Variants in LTBP1 observed in about 807,000 individuals in gnomAD.
The protein encoded by LTBP1 is latent transforming growth factor beta binding protein 1, also known as latent-transforming growth factor beta-binding protein 1.
A neutral mutation model predicts 207.6 loss-of-function variants in LTBP1; 129 were observed. The ratio of observed to expected loss-of-function variants is 0.62; its 90% CI spans 0.54 to 0.72. The LOEUF is 0.72. Among genes scored for constraint, LTBP1 ranks in the 30% least tolerant of loss-of-function variants. LTBP1 has a pLI of 0.00. For missense variants in LTBP1, 2,281 were observed against 2,217.2 expected (o/e 1.03, Z -0.58); for synonymous variants, 963 against 833.7 (o/e 1.16, Z -2.67).
intron 7 of LTBP1, among the ~76,000 whole-genome samples, chr2:33,191,736 C>T (rs781131312): frequency 1.3e-5 from 2 of 152,112 alleles, no homozygotes; most frequent in Non-Finnish European, 2.9e-5. Flanking sequence ...AAAAACAAAA[C>T]CCTGGATAAA....
intron 2 of LTBP1, among the ~76,000 whole-genome samples, chr2:32,972,579 G>A (rs1293935273): frequency 6.6e-6 from 1 of 152,064 alleles, no homozygotes; most frequent in East Asian, 1.9e-4. Context: ...GTTGTATGGT[G>A]ATATGGTTTA....
intron 10 of LTBP1, among the ~76,000 whole-genome samples, chr2:33,246,179 G>C (rs1206858068): frequency 6.6e-6 from 1 of 152,208 alleles, no homozygotes; most frequent in South Asian, 2.1e-4. Flanking sequence ...AGAGTTCGAA[G>C]TGAAAACCTG....
chr2:33,069,300 A>G (rs1018488238), intron 3 of LTBP1, among the ~76,000 whole-genome samples: 11 of 152,008 alleles, frequency 7.2e-5, no homozygotes, highest in Non-Finnish European at 1.5e-4. Flanking sequence ...CACTCCATTC[A>G]TACCCACACC....
chr2:33,064,931 T>C (rs1347299260), intron 3 of LTBP1, among the ~76,000 whole-genome samples: 1 of 152,226 alleles, frequency 6.6e-6, no homozygotes, highest in East Asian at 1.9e-4. Flanking sequence ...GGACTGCTAG[T>C]GTAATGTAGA....
intron 2 of LTBP1, among the ~76,000 whole-genome samples, chr2:32,971,650 A>G (rs542921952): frequency 1.3e-5 from 2 of 152,218 alleles, no homozygotes; most frequent in Admixed American, 6.5e-5. Flanking sequence ...AGCCTACTTG[A>G]TTGTGGTAGA....
intron 19 of LTBP1, among the ~76,000 whole-genome samples, chr2:33,286,600 T>A (rs1189774891): frequency 4.6e-5 from 7 of 152,250 alleles, no homozygotes; most frequent in Non-Finnish European, 1.0e-4. Flanking sequence ...ATGCTTCTAA[T>A]CAATCACTAA....
At chr2:33,276,260 T>C (rs2093424700) in intron 18 of LTBP1, among the ~76,000 whole-genome samples, 1 of 152,222 alleles carries the variant, frequency 6.6e-6, no homozygotes. Context: ...GCTGCAGGTG[T>C]AACCAGTGTT....
intron 7 of LTBP1, among the ~76,000 whole-genome samples, chr2:33,192,306 G>T (rs1195145297): frequency 1.3e-5 from 2 of 152,290 alleles, no homozygotes; most frequent in East Asian, 3.9e-4. Context: ...GGGGCAGCCT[G>T]ACCTTATGTG....
chr2:33,029,067 A>G (rs897755274), intron 3 of LTBP1, among the ~76,000 whole-genome samples: 1 of 152,226 alleles, frequency 6.6e-6, no homozygotes, highest in African/African-American at 2.4e-5. Flanking sequence ...TTTTTCACTT[A>G]GAGATCATAC....
chr2:33,298,706 A>G (rs979652539), intron 20 of LTBP1, among the ~76,000 whole-genome samples: 15 of 152,266 alleles, frequency 9.9e-5, no homozygotes, highest in Non-Finnish European at 1.5e-4. Flanking sequence ...CTATGGACAG[A>G]CAATATTGGC....
At chr2:33,397,503 A>ATTT (rs1459402012) in intron 33 of LTBP1, among the ~76,000 whole-genome samples, 2,778 of 77,652 alleles carry the variant, frequency 0.036, 125 homozygotes, top group African/African-American at 0.11. Context: ...TTTTACCACA[A>ATTT]TTCTTTTTTT....
chr2:33,310,635 A>G (rs1205355827), intron 23 of LTBP1, among the ~76,000 whole-genome samples: 2 of 152,208 alleles, frequency 1.3e-5, no homozygotes, highest in Non-Finnish European at 2.9e-5. Context: ...TCTTCCCTAC[A>G]TTGCCATACC....
intron 3 of LTBP1, among the ~76,000 whole-genome samples, chr2:33,106,969 G>A (rs1406394863): frequency 6.6e-6 from 1 of 152,112 alleles, no homozygotes; most frequent in Non-Finnish European, 1.5e-5. Context: ...ACTTTACTTG[G>A]CTTAAGTATT....
At chr2:33,114,730 T>C (rs2080632130) in intron 4 of LTBP1, among the ~76,000 whole-genome samples, 1 of 152,194 alleles carries the variant, frequency 6.6e-6, no homozygotes, top group Non-Finnish European at 1.5e-5. Flanking sequence ...GGGATGTTAC[T>C]CCTGGTTGCT....
intron 3 of LTBP1, among the ~76,000 whole-genome samples, chr2:33,080,362 C>T (rs1341698337): frequency 6.6e-6 from 1 of 152,164 alleles, no homozygotes; most frequent in Non-Finnish European, 1.5e-5. Context: ...CCAATGTCCC[C>T]ATTTGTTTAA....
intron 9 of LTBP1, among the ~76,000 whole-genome samples, chr2:33,228,127 A>G (rs1025249034): frequency 6.6e-6 from 1 of 152,136 alleles, no homozygotes; most frequent in African/African-American, 2.4e-5. Flanking sequence ...TTATAGCTTT[A>G]TTTTATTTGG....
At chr2:33,213,633 T>C (rs2090472932) in intron 7 of LTBP1, among the ~76,000 whole-genome samples, 1 of 152,230 alleles carries the variant, frequency 6.6e-6, no homozygotes, top group South Asian at 2.1e-4. Flanking sequence ...CAGTGGTCTC[T>C]TGGGTGAGAG....
intron 7 of LTBP1, among the ~76,000 whole-genome samples, chr2:33,210,061 C>T (rs1351132699): frequency 6.6e-6 from 1 of 152,208 alleles, no homozygotes; most frequent in Non-Finnish European, 1.5e-5. Flanking sequence ...TGTGGGTCAT[C>T]CTTACATTGC....
At chr2:33,096,611 G>T (rs768790510) in intron 3 of LTBP1, among the ~76,000 whole-genome samples, 7 of 152,174 alleles carry the variant, frequency 4.6e-5, no homozygotes, top group African/African-American at 1.7e-4. Flanking sequence ...AGTTTTTAAA[G>T]TGTATGTTGG....
Sources: gnomAD v4.1 joint callset for allele counts (sites outside exome capture counted in the v4.1 genomes callset) on GRCh38, gnomAD v4.1.1 for gene constraint, MANE v1.5 for transcripts, NCBI Gene and HGNC (gene_info 2026-07-23, HGNC 2026-07-21) for gene names.